Variants in ACTR3C observed in about 807,000 individuals in gnomAD.
ACTR3C encodes the protein actin related protein 3C.
ACTR3C carries 18 observed loss-of-function variants against 26.3 expected under a neutral mutation model. That is an observed-to-expected ratio of 0.68 (90% CI 0.47 to 1.01). The LOEUF is 1.01. ACTR3C is among the 50% of genes least tolerant of loss of function. The probability of loss-of-function intolerance (pLI) is 0.00; values close to 1 mark genes in which losing one functional copy is unlikely to be tolerated. For synonymous variants in ACTR3C, 55 were observed against 94.5 expected (o/e 0.58, Z 2.42); for missense variants, 184 against 250.7 (o/e 0.73, Z 1.80).
At chr7:149,987,018 T>G in the ACTR3C span, among the ~76,000 whole-genome samples, 5 of 140,534 alleles carry the variant, frequency 3.6e-5, no homozygotes, top group African/African-American at 1.3e-4. Context: ...AGACACTGAG[T>G]ACTGGAGGGT....
At chr7:150,041,644 C>G in the ACTR3C span, among the ~76,000 whole-genome samples, 15 of 113,024 alleles carry the variant, frequency 1.3e-4, no homozygotes, top group East Asian at 1.0e-3. Flanking sequence ...GCCTCCCCCC[C>G]CCTGCGATGA....
At chr7:150,098,825 G>A in the ACTR3C span, among the ~76,000 whole-genome samples, 1 of 151,778 alleles carries the variant, frequency 6.6e-6, no homozygotes, top group Admixed American at 6.6e-5. Flanking sequence ...GTCAGTATCT[G>A]CTTTCACTCC....
chr7:150,122,548 AC>A, the ACTR3C span, among the ~76,000 whole-genome samples: 2 of 152,384 alleles, frequency 1.3e-5, no homozygotes, highest in Non-Finnish European at 2.9e-5. Context: ...ATACCATCTC[AC>A]GCCAGTTAGA....
At chr7:150,068,935 T>C in the ACTR3C span, among the ~76,000 whole-genome samples, 4 of 152,266 alleles carry the variant, frequency 2.6e-5, no homozygotes, top group Non-Finnish European at 5.9e-5. Context: ...CCAAAGGCTG[T>C]TGAGTTAAAC....
the ACTR3C span, among the ~76,000 whole-genome samples, chr7:150,062,620 ATCTT>A: frequency 6.7e-6 from 1 of 149,666 alleles, no homozygotes. Flanking sequence ...AGTTTAGAGA[ATCTT>A]TCTCTGAATG....
the ACTR3C span, among the ~76,000 whole-genome samples, chr7:150,183,449 T>A: frequency 6.7e-6 from 1 of 149,980 alleles, no homozygotes; most frequent in Non-Finnish European, 1.5e-5. Flanking sequence ...CCACTTCTCT[T>A]GGTGCTTATG....
the ACTR3C span, among the ~76,000 whole-genome samples, chr7:150,023,142 T>TAG: frequency 4.2e-5 from 3 of 71,092 alleles, no homozygotes; most frequent in Admixed American, 4.3e-4. Context: ...TACATATATA[T>TAG]AGATATCTAT....
the ACTR3C span, among the ~76,000 whole-genome samples, chr7:150,135,165 G>C: frequency 6.6e-6 from 1 of 152,332 alleles, no homozygotes; most frequent in East Asian, 1.9e-4. Context: ...CCAGCTACTC[G>C]GGAGGCTGAG....
chr7:150,158,972 C>T, the ACTR3C span, among the ~76,000 whole-genome samples: 1 of 151,670 alleles, frequency 6.6e-6, no homozygotes, highest in Non-Finnish European at 1.5e-5. Context: ...CGTGCGCACA[C>T]ACAGGCACGC....
chr7:150,055,497 T>G, the ACTR3C span, among the ~76,000 whole-genome samples: 5 of 151,918 alleles, frequency 3.3e-5, no homozygotes, highest in South Asian at 6.2e-4. Flanking sequence ...GGGAGTTTTT[T>G]TTTTTTTTTT....
At chr7:150,249,102 A>G in intron 6 of ACTR3C, 48 bp from the exon 7 acceptor site, 1 of 583,300 alleles carries the variant, frequency 1.7e-6, no homozygotes, top group Admixed American at 3.2e-5. Context: ...CTCATGGGTC[A>G]ATAACAAAAG....
At chr7:150,076,477 T>G in the ACTR3C span, 2 of 152,090 alleles carry the variant, frequency 1.3e-5, no homozygotes, top group East Asian at 3.9e-4. Context: ...TTTGCCAGCT[T>G]TAGTCGTTTA....
the ACTR3C span, among the ~76,000 whole-genome samples, chr7:150,167,213 T>C: frequency 6.6e-6 from 1 of 150,742 alleles, no homozygotes; most frequent in Admixed American, 6.6e-5. Context: ...GATCTATTTT[T>C]AGTTTTTGAG....
the ACTR3C span, among the ~76,000 whole-genome samples, chr7:150,033,238 G>A: frequency 6.6e-6 from 1 of 152,244 alleles, no homozygotes; most frequent in South Asian, 2.1e-4. Context: ...CCAGGACTCT[G>A]CTTGCTAGCT....
chr7:150,245,154 C>T (rs1201247977), downstream of ACTR3C: 2 of 152,204 alleles, frequency 1.3e-5, no homozygotes. Flanking sequence ...CCTCTGTACA[C>T]ATTTGGGTTC....
the ACTR3C span, among the ~76,000 whole-genome samples, chr7:150,137,044 G>A: frequency 9.9e-5 from 15 of 152,152 alleles, no homozygotes; most frequent in African/African-American, 2.7e-4. Context: ...TATGAGAATC[G>A]AATGCCACCC....
At chr7:150,047,545 G>T in the ACTR3C span, 3 of 500,026 alleles carry the variant, frequency 6.0e-6, no homozygotes, top group African/African-American at 2.1e-5. Context: ...CCCGGCCGAC[G>T]CGTCTCGCTG....
chr7:150,159,406 G>A, the ACTR3C span, among the ~76,000 whole-genome samples: 60 of 152,262 alleles, frequency 3.9e-4, no homozygotes, highest in Admixed American at 2.0e-3. Context: ...GGATCGATTC[G>A]TCGTGGAAGG....
the ACTR3C span, among the ~76,000 whole-genome samples, chr7:149,917,649 T>TTTC: frequency 5.0e-5 from 1 of 19,966 alleles, no homozygotes; most frequent in Non-Finnish European, 2.6e-4. Flanking sequence ...TTTTTTTTTT[T>TTTC]TTTTTGAGAC....
Sources: allele counts gnomAD v4.1 joint callset (sites outside exome capture counted in the v4.1 genomes callset), GRCh38; gene constraint gnomAD v4.1.1; transcripts MANE v1.5; gene names NCBI Gene and HGNC (gene_info 2026-07-23, HGNC 2026-07-21).